RNF144A: variants seen among roughly 807,000 people sequenced by gnomAD.
RNF144A encodes the protein ring finger protein 144A, also known as E3 ubiquitin-protein ligase RNF144A.
RNF144A carries 11 observed loss-of-function variants against 38.7 expected under a neutral mutation model. The observed-to-expected ratio is 0.28, with a 90% CI of 0.18 to 0.47. RNF144A has a LOEUF of 0.47. Ranked by LOEUF, RNF144A falls within the 20% of genes least tolerant of loss-of-function variation. The pLI, the probability that RNF144A is intolerant of heterozygous loss-of-function variation, is 0.99. For synonymous variants in RNF144A, 149 were observed against 143.9 expected (o/e 1.04, Z -0.25); for missense variants, 316 against 377.2 (o/e 0.84, Z 1.34).
At chr2:7,001,606 G>A (rs539129293) in intron 3 of RNF144A, among the ~76,000 whole-genome samples, 2 of 152,286 alleles carry the variant, frequency 1.3e-5, no homozygotes, top group Non-Finnish European at 2.9e-5. Flanking sequence ...GAGCCCAGGA[G>A]GTCGAGGCCG....
At chr2:6,996,199 C>T (rs1301449306) in intron 2 of RNF144A, among the ~76,000 whole-genome samples, 2 of 152,248 alleles carry the variant, frequency 1.3e-5, no homozygotes, top group Non-Finnish European at 2.9e-5. Context: ...CCAAGCCCTT[C>T]TGCTCTGACC....
In RNF144A at chr2:7,030,224, T is replaced by C. The variant is rs1572440853; in HGVS notation, c.747+9T>C. 6.3e-7 allele frequency: 1 copy of C among 1,596,554 alleles called. No homozygotes were observed. The highest frequency in any genetic ancestry group is 1.4e-5 in the African/African-American group (1 of 73,644). On this transcript the variant is annotated intron_variant, in intron 8 of 8. Coordinates refer to ENST00000320892, the MANE Select transcript of RNF144A (RefSeq NM_014746.6). ...TCTGGCATCGGACACAGGTAGGAGG[T>C]GATTTGCCTGGAAGGTTGATCTCAG...
chr2:6,972,991 C>G (rs556335111), intron 2 of RNF144A, among the ~76,000 whole-genome samples: 1 of 152,314 alleles, frequency 6.6e-6, no homozygotes, highest in East Asian at 1.9e-4. Flanking sequence ...AAGCTAGGCT[C>G]TTGACATTTA....
chr2:7,041,289 A>T lies in RNF144A; in HGVS notation c.*1529A>T, dbSNP rs1673026780. 5 of 985,792 alleles carry T rather than the reference A, an allele frequency of 5.1e-6. No homozygotes were observed. The highest frequency in any genetic ancestry group is 6.0e-6 in the Non-Finnish European group (5 of 829,928). 61.1% of individuals were successfully genotyped at this position (985,792 alleles called of 1,614,324 possible). A position where few individuals can be genotyped will look rare whatever the true frequency, so the allele number is the denominator to read the frequency against. On this transcript the variant is annotated 3_prime_UTR_variant, in exon 9 of 9. Coordinates refer to ENST00000320892, the MANE Select transcript of RNF144A (RefSeq NM_014746.6). Reference sequence around the variant, plus strand: ...ACTTCTGCATTTGAGTATCAGTCTCAGGTCCTAGTTTACTTTCCCTGGTTG... The same window carrying T: ...ACTTCTGCATTTGAGTATCAGTCTCTGGTCCTAGTTTACTTTCCCTGGTTG...
chr2:7,075,769 C>T, the RNF144A span, among the ~76,000 whole-genome samples: 3 of 152,128 alleles, frequency 2.0e-5, no homozygotes, highest in African/African-American at 4.8e-5. Context: ...AGACATTCAG[C>T]CTTGAAAGAC....
intron 1 of RNF144A, among the ~76,000 whole-genome samples, chr2:6,928,699 C>G (rs952347268): frequency 1.3e-5 from 2 of 152,176 alleles, no homozygotes; most frequent in African/African-American, 4.8e-5. Context: ...AGATTTTTTT[C>G]CGAGTCTTTG....
chr2:7,032,472 T>C (rs1331485637), intron 8 of RNF144A, among the ~76,000 whole-genome samples: 1 of 152,232 alleles, frequency 6.6e-6, no homozygotes, highest in Non-Finnish European at 1.5e-5. Flanking sequence ...GTCCTGGAGC[T>C]CAGAATTCTG....
intron 8 of RNF144A, among the ~76,000 whole-genome samples, chr2:7,033,607 C>T (rs527332356): frequency 1.1e-4 from 16 of 152,346 alleles, no homozygotes; most frequent in Middle Eastern, 3.4e-3. Context: ...TCTGCACATC[C>T]ACATTCTAAC....
Position 6,936,235 on chromosome 2 carries a change from T to C in RNF144A, c.-211-4713T>C, listed in dbSNP as rs1665565086. Among the ~76,000 whole-genome samples the C allele has an allele frequency of 2.0e-5, 3 of 152,272 alleles. No individual in the cohort carries two copies. The South Asian group carries it at 6.2e-4, about 32-fold the overall frequency. On this transcript the variant is annotated intron_variant, in intron 1 of 8. Transcript: ENST00000320892. The stretch of plus-strand genomic sequence containing the variant: ...AGAGAGGCCTTAAAGACTAAGAAAA[T>C]AGCACGTCCTTTCTTTACCTGGTTG...
At chr2:6,973,745 A>G (rs1668134302) in intron 2 of RNF144A, among the ~76,000 whole-genome samples, 1 of 152,232 alleles carries the variant, frequency 6.6e-6, no homozygotes, top group African/African-American at 2.4e-5. Context: ...CATAGGGGTC[A>G]GCATATGGTC....
At chr2:7,068,442 C>T (rs1674323094), downstream of RNF144A, among the ~76,000 whole-genome samples, 1 of 152,062 alleles carries the variant, frequency 6.6e-6, no homozygotes, top group African/African-American at 2.4e-5. Flanking sequence ...GCTTCAGATC[C>T]CTCTGGCCGA....
At chr2:6,981,857 C>T (rs1322772490) in intron 2 of RNF144A, among the ~76,000 whole-genome samples, 1 of 152,172 alleles carries the variant, frequency 6.6e-6, no homozygotes, top group African/African-American at 2.4e-5. Flanking sequence ...ACTACCGGCC[C>T]ACAGGTAGTA....
chr2:7,012,070 T>C (rs920536568), intron 3 of RNF144A, among the ~76,000 whole-genome samples: 1 of 152,234 alleles, frequency 6.6e-6, no homozygotes, highest in Admixed American at 6.5e-5. Context: ...CATTATATAC[T>C]GATCCGCACA....
At chr2:6,964,980 T>TA (rs538947212) in intron 2 of RNF144A, among the ~76,000 whole-genome samples, 2 of 151,406 alleles carry the variant, frequency 1.3e-5, no homozygotes, top group South Asian at 2.1e-4. Flanking sequence ...ATAATAAAAA[T>TA]AAAAAAAAGA....
At chr2:6,953,770 GCAGTACCTTTCATATTTTCTACATTTT>G (rs886841053) in intron 2 of RNF144A, among the ~76,000 whole-genome samples, 2 of 152,116 alleles carry the variant, frequency 1.3e-5, no homozygotes, top group African/African-American at 4.8e-5. Context: ...AAGATTGTTT[GCAGTACCTTTCATATTTTCTACATTTT>G]CACTAGTTTT....
At chr2:7,075,393 A>G in the RNF144A span, among the ~76,000 whole-genome samples, 2 of 151,926 alleles carry the variant, frequency 1.3e-5, no homozygotes, top group African/African-American at 4.8e-5. Flanking sequence ...ACACAGTGCT[A>G]TGGATTGAAC....
At chr2:6,934,083 C>G (rs191387408) in intron 1 of RNF144A, among the ~76,000 whole-genome samples, 3 of 152,208 alleles carry the variant, frequency 2.0e-5, no homozygotes, top group Non-Finnish European at 4.4e-5. Flanking sequence ...TGATCTGTTT[C>G]CAAGTCATTT....
chr2:6,925,114 A>G (rs1664777343), intron 1 of RNF144A, among the ~76,000 whole-genome samples: 1 of 152,224 alleles, frequency 6.6e-6, no homozygotes, highest in Non-Finnish European at 1.5e-5. Flanking sequence ...AGCTTCCAGG[A>G]GACTTTCTGA....
intron 2 of RNF144A, among the ~76,000 whole-genome samples, chr2:6,982,314 G>A (rs751289977): frequency 4.6e-5 from 7 of 152,192 alleles, no homozygotes; most frequent in Non-Finnish European, 2.9e-5. Flanking sequence ...GAAGATGGGT[G>A]CATTAGGTAC....
Sources: allele counts gnomAD v4.1 joint callset (sites outside exome capture counted in the v4.1 genomes callset), GRCh38; gene constraint gnomAD v4.1.1; transcripts MANE v1.5; gene names NCBI Gene and HGNC (gene_info 2026-07-23, HGNC 2026-07-21).